Variants in ERC2 observed in about 807,000 individuals in gnomAD.
The protein encoded by ERC2 is ERC protein 2.
In ERC2, 42 loss-of-function variants were observed where a neutral mutation model predicts 114.8. The ratio of observed to expected loss-of-function variants is 0.37; its 90% CI spans 0.29 to 0.47. ERC2 has a LOEUF of 0.47. ERC2 is among the 20% of genes least tolerant of loss of function. The pLI is 0.99. For synonymous variants in ERC2, 454 were observed against 425.5 expected, an observed-to-expected ratio of 1.07 and a Z score of -0.82; for missense variants, 939 against 1,150.7, an observed-to-expected ratio of 0.82 and a Z score of 2.66.
At chr3:55,925,922 C>G (rs549664340) in intron 13 of ERC2, among the ~76,000 whole-genome samples, 1 of 152,120 alleles carries the variant, frequency 6.6e-6, no homozygotes, top group Admixed American at 6.5e-5. Flanking sequence ...TGTTTTACAA[C>G]CAGGCCATGC....
At chr3:55,550,114 A>C (rs1458001468) in intron 17 of ERC2, among the ~76,000 whole-genome samples, 1 of 151,998 alleles carries the variant, frequency 6.6e-6, no homozygotes, top group Non-Finnish European at 1.5e-5. Flanking sequence ...CCCTGGGCTC[A>C]TGCTCCCTCC....
intron 3 of ERC2, among the ~76,000 whole-genome samples, chr3:56,211,601 C>T (rs2049063565): frequency 6.6e-6 from 1 of 151,890 alleles, no homozygotes; most frequent in Admixed American, 6.6e-5. Context: ...AAAAAAAAAT[C>T]CTAAAATTCA....
intron 17 of ERC2, among the ~76,000 whole-genome samples, chr3:55,617,764 A>C (rs2059180098): frequency 6.6e-6 from 1 of 152,244 alleles, no homozygotes; most frequent in Non-Finnish European, 1.5e-5. Context: ...CAAATGACCA[A>C]GAAGTTCCAC....
intron 14 of ERC2, among the ~76,000 whole-genome samples, chr3:55,828,610 T>C (rs1216602255): frequency 6.6e-6 from 1 of 152,122 alleles, no homozygotes; most frequent in Non-Finnish European, 1.5e-5. Context: ...GAGCTGAAGA[T>C]GAAAATTTCA....
intron 2 of ERC2, among the ~76,000 whole-genome samples, chr3:56,324,396 T>A (rs568931153): frequency 2.6e-5 from 4 of 152,266 alleles, no homozygotes; most frequent in African/African-American, 9.6e-5. Flanking sequence ...CCATCGTAAG[T>A]TGAAAATATT....
At chr3:55,546,619 C>T (rs1355536916) in intron 17 of ERC2, among the ~76,000 whole-genome samples, 1 of 152,236 alleles carries the variant, frequency 6.6e-6, no homozygotes, top group Non-Finnish European at 1.5e-5. Flanking sequence ...TGAATGAATC[C>T]TATTTCACCA....
intron 3 of ERC2, among the ~76,000 whole-genome samples, chr3:56,274,352 C>T (rs184400617): frequency 1.2e-3 from 178 of 152,246 alleles, no homozygotes; most frequent in Non-Finnish European, 2.1e-3. Context: ...AACAAGTTCC[C>T]GATGCCAAAC....
intron 17 of ERC2, among the ~76,000 whole-genome samples, chr3:55,601,950 A>G (rs1164181789): frequency 2.6e-5 from 4 of 152,250 alleles, no homozygotes; most frequent in Admixed American, 6.5e-5. Context: ...TCCACTGGGA[A>G]CTTCCCATGA....
At chr3:56,168,680 C>G (rs2082452372) in intron 4 of ERC2, among the ~76,000 whole-genome samples, 1 of 152,106 alleles carries the variant, frequency 6.6e-6, no homozygotes, top group South Asian at 2.1e-4. Flanking sequence ...CAGTACATCC[C>G]TTTCATATTC....
chr3:56,099,045 T>C (rs2078211584), intron 6 of ERC2, among the ~76,000 whole-genome samples: 1 of 152,214 alleles, frequency 6.6e-6, no homozygotes, highest in Non-Finnish European at 1.5e-5. Context: ...AATTAGATCA[T>C]CCTGGATTAT....
At chr3:56,350,142 G>A (rs2058495316) in intron 2 of ERC2, among the ~76,000 whole-genome samples, 1 of 152,146 alleles carries the variant, frequency 6.6e-6, no homozygotes. Context: ...TAGAATTTGG[G>A]GGACAGGAGG....
intron 3 of ERC2, among the ~76,000 whole-genome samples, chr3:56,294,163 T>C (rs2055278479): frequency 6.6e-6 from 1 of 152,274 alleles, no homozygotes; most frequent in Non-Finnish European, 1.5e-5. Flanking sequence ...TTCTGTAAAC[T>C]ACATGAGAGG....
intron 1 of ERC2, among the ~76,000 whole-genome samples, chr3:56,465,466 T>C (rs1200039822): frequency 6.6e-6 from 1 of 152,146 alleles, no homozygotes; most frequent in Non-Finnish European, 1.5e-5. Flanking sequence ...TTAAATATCA[T>C]TATACCTAAT....
chr3:55,543,328 G>A (rs1384135531), intron 17 of ERC2, among the ~76,000 whole-genome samples: 1 of 152,194 alleles, frequency 6.6e-6, no homozygotes, highest in Non-Finnish European at 1.5e-5. Flanking sequence ...CCAGAGCTTA[G>A]ACTAATAGGA....
chr3:56,231,207 T>A (rs543916547), intron 3 of ERC2, among the ~76,000 whole-genome samples: 83 of 152,332 alleles, frequency 5.4e-4, no homozygotes, highest in African/African-American at 1.8e-3. Flanking sequence ...GGTGCTCCAA[T>A]ACCCTGGATG....
At chr3:56,464,678 T>C (rs1184788192) in intron 1 of ERC2, among the ~76,000 whole-genome samples, 1 of 151,702 alleles carries the variant, frequency 6.6e-6, no homozygotes. Context: ...GGATCAACTA[T>C]TTTAAATTTA....
At chr3:55,714,235 A>G (rs144443160) in intron 15 of ERC2, among the ~76,000 whole-genome samples, 13 of 152,300 alleles carry the variant, frequency 8.5e-5, no homozygotes, top group African/African-American at 3.1e-4. Context: ...CAGGATTTTA[A>G]GTTGGCATAA....
intron 15 of ERC2, among the ~76,000 whole-genome samples, chr3:55,729,856 AAAAAAAAAAT>A (rs1369154665): frequency 3.3e-5 from 5 of 149,556 alleles, no homozygotes; most frequent in African/African-American, 1.2e-4. Context: ...AAAAAAAAAA[AAAAAAAAAAT>A]TGTAAGCTAC....
intron 17 of ERC2, among the ~76,000 whole-genome samples, chr3:55,559,924 A>G (rs190622740): frequency 7.4e-4 from 112 of 152,316 alleles, no homozygotes; most frequent in East Asian, 1.2e-3. Context: ...ATCTTGAAGG[A>G]GCCCACAGGG....
Sources: allele counts gnomAD v4.1 joint callset (sites outside exome capture counted in the v4.1 genomes callset), GRCh38; gene constraint gnomAD v4.1.1; transcripts MANE v1.5; gene names NCBI Gene and HGNC (gene_info 2026-07-23, HGNC 2026-07-21).